Variants in LNX1 observed in about 807,000 individuals in gnomAD.
LNX1 encodes the protein E3 ubiquitin-protein ligase LNX.
LNX1 carries 54 observed loss-of-function variants against 68.4 expected under a neutral mutation model. The observed-to-expected ratio is 0.79, with a 90% CI of 0.63 to 0.99. The LOEUF (loss-of-function observed/expected upper bound fraction) is 0.99, where lower values mean the gene tolerates loss of function less well. LNX1 is among the 50% of genes least tolerant of loss of function. The pLI is 0.00. For synonymous variants in LNX1, 336 were observed against 350.0 expected, an observed-to-expected ratio of 0.96 and a Z score of 0.45; for missense variants, 906 against 926.4, an observed-to-expected ratio of 0.98 and a Z score of 0.29.
intron 5 of LNX1, among the ~76,000 whole-genome samples, chr4:53,498,087 A>G (rs1235925790): frequency 6.6e-6 from 1 of 152,086 alleles, no homozygotes; most frequent in East Asian, 1.9e-4. Context: ...TTCTATTCCA[A>G]CACCTGTCTC....
rs1227145840 is a variant in LNX1 at position 53,501,297 on chromosome 4, T to G, written c.776-2454A>C. ...GATAATAATCTTTTTTTTTTTTTTT[T>G]TTGGGGGTGGGGGGACAGGATCTCA... On this transcript the variant is annotated intron_variant, in intron 4 of 10. Transcript: ENST00000263925. 1.7e-3 allele frequency among the ~76,000 whole-genome samples: 31 copies of G among 18,048 alleles called. 1 individual carries two copies. Among genetic ancestry groups the G allele is most frequent in the African/African-American group, 4.5e-3 (23 of 5,154 alleles). The allele number at this position is 18,048 out of a possible 152,430, so 11.8% of individuals were successfully genotyped here.
chr4:53,566,814 C>A (rs949383849), intron 2 of LNX1, among the ~76,000 whole-genome samples: 7 of 149,100 alleles, frequency 4.7e-5, no homozygotes, highest in African/African-American at 1.7e-4. Flanking sequence ...ATCTACCAAG[C>A]AAATGGAAAA....
intron 5 of LNX1, among the ~76,000 whole-genome samples, chr4:53,498,263 T>C: frequency 6.6e-6 from 1 of 152,142 alleles, no homozygotes; most frequent in Non-Finnish European, 1.5e-5. Context: ...AGAAAATATA[T>C]GTCCCAGTTT....
At chr4:53,584,242 C>T (rs1001525045) in intron 1 of LNX1, among the ~76,000 whole-genome samples, 34 of 152,006 alleles carry the variant, frequency 2.2e-4, no homozygotes, top group South Asian at 4.1e-4. Flanking sequence ...CAACATTTTC[C>T]GGCTGTGTTT....
intron 2 of LNX1, among the ~76,000 whole-genome samples, chr4:53,551,618 T>A (rs1340769102): frequency 6.6e-6 from 1 of 152,038 alleles, no homozygotes; most frequent in African/African-American, 2.4e-5. Context: ...GACAGCCCAC[T>A]CCAAGGGAAG....
intron 2 of LNX1, among the ~76,000 whole-genome samples, chr4:53,554,443 G>T (rs1577705581): frequency 1.3e-5 from 2 of 152,212 alleles, no homozygotes; most frequent in East Asian, 3.8e-4. Flanking sequence ...TTGGACACAG[G>T]GTTGTTGTTT....
At chr4:53,605,167 T>A (rs1733177918) in intron 2 of LNX1, among the ~76,000 whole-genome samples, 1 of 152,140 alleles carries the variant, frequency 6.6e-6, no homozygotes, top group South Asian at 2.1e-4. Flanking sequence ...ATTCTACCTC[T>A]GGATGGGGAC....
chr4:53,630,638 C>T (rs530058968), intron 1 of LNX1, among the ~76,000 whole-genome samples: 13 of 152,220 alleles, frequency 8.5e-5, no homozygotes, highest in African/African-American at 1.7e-4. Context: ...CCTTCAGGCA[C>T]GCATCACAGT....
intron 2 of LNX1, among the ~76,000 whole-genome samples, chr4:53,514,905 A>C (rs1435213): frequency 0.95 from 145,326 of 152,214 alleles, 69,749 homozygotes; most frequent in East Asian, 1. Context: ...TTTAACTGAC[A>C]AATTAGGCTA....
intron 1 of LNX1, among the ~76,000 whole-genome samples, chr4:53,642,329 T>C (rs1442236449): frequency 6.6e-6 from 1 of 151,362 alleles, no homozygotes. Flanking sequence ...AATAGACCTA[T>C]AAAATATGCT....
chr4:53,648,058 T>C (rs1307210147), intron 1 of LNX1, among the ~76,000 whole-genome samples: 1 of 152,274 alleles, frequency 6.6e-6, no homozygotes, highest in Non-Finnish European at 1.5e-5. Flanking sequence ...AATGCTGCCA[T>C]AAATATGGGA....
In LNX1 at chr4:53,514,250, C is replaced by T. The variant is rs529118252; in HGVS notation, c.381-6023G>A. ...CTCCAGTGCCAAAGACAATGACTGG[C>T]ATATAGAAGGTGCTCAGTGTATGAC... is the stretch of plus-strand genomic sequence containing the variant. On this transcript the variant is annotated intron_variant, in intron 2 of 10. Coordinates refer to ENST00000263925, the MANE Select transcript of LNX1 (RefSeq NM_001126328.3). Among the ~76,000 whole-genome samples the T allele has an allele frequency of 4.1e-4, 62 of 152,306 alleles. 3 individuals are homozygous for T. The South Asian group carries it at 0.013, about 31-fold the overall frequency.
upstream of LNX1, among the ~76,000 whole-genome samples, chr4:53,621,272 T>A (rs940117349): frequency 7.9e-5 from 12 of 152,288 alleles, no homozygotes; most frequent in Middle Eastern, 3.4e-3. Flanking sequence ...ATATTCCCTG[T>A]GCAGTGCCCT....
In LNX1 at chr4:53,460,761, C is replaced by T; in HGVS notation, c.*146G>A. 1.2e-6 allele frequency: 1 copy of T among 801,956 alleles called. No homozygotes were observed. The highest frequency in any genetic ancestry group is 1.8e-5 in the African/African-American group (1 of 54,482). The allele number at this position is 801,956 out of a possible 1,614,324, so 49.7% of individuals were successfully genotyped here. ...TGGAATCATATTTTCTGAGGTGTAA[C>T]TGGCTTTCATTAGATGATCATACTT... On this transcript the variant is annotated 3_prime_UTR_variant, in exon 11 of 11. Transcript: ENST00000263925.
intron 4 of LNX1, among the ~76,000 whole-genome samples, chr4:53,501,311 G>GGGGGTC (rs1553932778): frequency 1.8e-5 from 1 of 55,696 alleles, no homozygotes; most frequent in Non-Finnish European, 3.6e-5. Flanking sequence ...GGGGTGGGGG[G>GGGGGTC]ACAGGATCTC....
chr4:53,637,853 A>T (rs1296863658), intron 1 of LNX1, among the ~76,000 whole-genome samples: 1 of 152,224 alleles, frequency 6.6e-6, no homozygotes, highest in Non-Finnish European at 1.5e-5. Flanking sequence ...GACGGAGATT[A>T]GACCACCACT....
At chr4:53,578,101 A>T (rs1731612747) in intron 1 of LNX1, among the ~76,000 whole-genome samples, 1 of 152,172 alleles carries the variant, frequency 6.6e-6, no homozygotes, top group African/African-American at 2.4e-5. Context: ...TCTGACTCCA[A>T]GTTTCTGCTC....
intron 6 of LNX1, among the ~76,000 whole-genome samples, chr4:53,493,096 A>G (rs1364690752): frequency 6.6e-6 from 1 of 152,118 alleles, no homozygotes; most frequent in Non-Finnish European, 1.5e-5. Context: ...CAGCCTCCCA[A>G]GTAGCTGGAA....
chr4:53,554,190 T>C (rs1466468995), intron 2 of LNX1, among the ~76,000 whole-genome samples: 2 of 152,224 alleles, frequency 1.3e-5, no homozygotes, highest in East Asian at 1.9e-4. Context: ...CATTGGACTA[T>C]ATGCAAGGGG....
Sources: gnomAD v4.1 joint callset for allele counts (sites outside exome capture counted in the v4.1 genomes callset) on GRCh38, gnomAD v4.1.1 for gene constraint, MANE v1.5 for transcripts, NCBI Gene and HGNC (gene_info 2026-07-23, HGNC 2026-07-21) for gene names.